Variants in TBC1D22A observed in about 807,000 individuals in gnomAD.
TBC1D22A encodes the protein putative GTPase activator.
TBC1D22A carries 38 observed loss-of-function variants against 60.2 expected under a neutral mutation model. That is an observed-to-expected ratio of 0.63 (90% CI 0.49 to 0.83). TBC1D22A has a LOEUF of 0.83. Ranked by LOEUF, TBC1D22A falls within the 40% of genes least tolerant of loss-of-function variation. The probability of loss-of-function intolerance (pLI) is 0.00; values close to 1 mark genes in which losing one functional copy is unlikely to be tolerated. For synonymous variants in TBC1D22A, 302 were observed against 281.7 expected (o/e 1.07, Z -0.72); for missense variants, 628 against 701.0 (o/e 0.90, Z 1.18).
intron 8 of TBC1D22A, among the ~76,000 whole-genome samples, chr22:46,934,516 G>C (rs2071534107): frequency 6.6e-6 from 1 of 152,228 alleles, no homozygotes; most frequent in Non-Finnish European, 1.5e-5. Context: ...GCCAGAGAGA[G>C]CAGGAGTCTC....
chr22:46,991,340 G>A (rs140588015), intron 9 of TBC1D22A, among the ~76,000 whole-genome samples: 12 of 152,304 alleles, frequency 7.9e-5, no homozygotes, highest in Non-Finnish European at 1.3e-4. Flanking sequence ...TAGTGAAGAC[G>A]TCAAGGGGAT....
intron 1 of TBC1D22A, among the ~76,000 whole-genome samples, chr22:46,769,317 C>G (rs1289267147): frequency 6.6e-6 from 1 of 152,186 alleles, no homozygotes; most frequent in Non-Finnish European, 1.5e-5. Context: ...GAAGGAGAGG[C>G]ACTGTTGGGG....
At chr22:47,152,469 C>A (rs738667) in intron 12 of TBC1D22A, among the ~76,000 whole-genome samples, 81,062 of 151,962 alleles carry the variant, frequency 0.53, 22,869 homozygotes, top group East Asian at 0.76. Context: ...CAGCTGCTCC[C>A]CGCTTCCATG....
At position 46,772,076 on chromosome 22, in the gene TBC1D22A, T is replaced by C. The variant is rs144284672; in HGVS notation, c.62+9228T>C. Among the ~76,000 whole-genome samples, 918 of 142,642 alleles carry C rather than the reference T, an allele frequency of 6.4e-3. 12 individuals are homozygous for C. Among genetic ancestry groups the C allele is most frequent in the African/African-American group, 0.024 (866 of 35,592 alleles). 93.6% of individuals were successfully genotyped at this position (142,642 alleles called of 152,430 possible). On this transcript the variant is annotated intron_variant, in intron 1 of 12. Transcript: ENST00000337137. ...ATATACATATATATGTATACACACA[T>C]ATACATATATATGTATACACACATA... is the stretch of plus-strand genomic sequence containing the variant.
At chr22:46,806,513 A>AT (rs1432758981) in intron 4 of TBC1D22A, among the ~76,000 whole-genome samples, 3 of 149,872 alleles carry the variant, frequency 2.0e-5, no homozygotes, top group African/African-American at 4.8e-5. Context: ...ATTATTAAAA[A>AT]TTTTTAAATT....
At chr22:47,111,008 G>A (rs1201945020) in intron 11 of TBC1D22A, among the ~76,000 whole-genome samples, 2 of 152,346 alleles carry the variant, frequency 1.3e-5, no homozygotes, top group East Asian at 3.9e-4. Flanking sequence ...TGGCTTCCGA[G>A]TAGCATCATT....
chr22:46,901,538 A>G (rs950319306), intron 7 of TBC1D22A, among the ~76,000 whole-genome samples: 1 of 152,228 alleles, frequency 6.6e-6, no homozygotes, highest in Admixed American at 6.5e-5. Context: ...CAAATGTGGC[A>G]TTTCTGCTCA....
At chr22:46,911,647 G>T (rs1648975118) in intron 7 of TBC1D22A, among the ~76,000 whole-genome samples, 1 of 152,168 alleles carries the variant, frequency 6.6e-6, no homozygotes, top group Admixed American at 6.5e-5. Context: ...GCCGTGCGTG[G>T]TGGCTCATTC....
chr22:47,169,953 G>A (rs1482414703), intron 12 of TBC1D22A, among the ~76,000 whole-genome samples: 1 of 152,262 alleles, frequency 6.6e-6, no homozygotes, highest in Non-Finnish European at 1.5e-5. Context: ...GTCCCTGAAT[G>A]TGACCGAGGG....
intron 8 of TBC1D22A, among the ~76,000 whole-genome samples, chr22:46,970,415 G>A (rs1383525325): frequency 1.3e-5 from 2 of 152,136 alleles, no homozygotes; most frequent in African/African-American, 2.4e-5. Context: ...TTTCTCATTT[G>A]TGATCTTACC....
At chr22:46,796,805 G>C (rs2084673716) in intron 3 of TBC1D22A, among the ~76,000 whole-genome samples, 1 of 152,212 alleles carries the variant, frequency 6.6e-6, no homozygotes, top group African/African-American at 2.4e-5. Context: ...TGGGGTCTGG[G>C]AAGGTGCCAT....
At chr22:46,905,583 C>T (rs931255075) in intron 7 of TBC1D22A, among the ~76,000 whole-genome samples, 3 of 152,188 alleles carry the variant, frequency 2.0e-5, no homozygotes, top group African/African-American at 4.8e-5. Context: ...GAGAAGCCTG[C>T]GGTCGGTTGG....
chr22:47,057,002 G>T (rs947936813), intron 11 of TBC1D22A, among the ~76,000 whole-genome samples: 1 of 152,204 alleles, frequency 6.6e-6, no homozygotes, highest in African/African-American at 2.4e-5. Context: ...TGCTGCCTAG[G>T]CCCAGCCACT....
intron 4 of TBC1D22A, among the ~76,000 whole-genome samples, chr22:46,815,967 T>G (rs1191191628): frequency 6.6e-6 from 1 of 152,202 alleles, no homozygotes; most frequent in Admixed American, 6.5e-5. Context: ...TAGGTCCCAC[T>G]GCAGCCTTGG....
At chr22:46,790,191 G>T (rs754883265) in intron 1 of TBC1D22A, among the ~76,000 whole-genome samples, 1 of 152,234 alleles carries the variant, frequency 6.6e-6, no homozygotes, top group African/African-American at 2.4e-5. Context: ...CGTTTTCCCT[G>T]CTCTCTCCAG....
At chr22:47,072,683 G>C (rs1264066546) in intron 11 of TBC1D22A, among the ~76,000 whole-genome samples, 2 of 152,262 alleles carry the variant, frequency 1.3e-5, no homozygotes, top group African/African-American at 4.8e-5. Context: ...CTAAGAGCTG[G>C]ATAGGTATGT....
At chr22:46,877,000 C>G (rs946111152) in intron 4 of TBC1D22A, among the ~76,000 whole-genome samples, 2 of 152,240 alleles carry the variant, frequency 1.3e-5, no homozygotes, top group African/African-American at 4.8e-5. Context: ...GAATATCCTG[C>G]TGCTGTGCTT....
chr22:46,976,867 C>T (rs931590683), intron 9 of TBC1D22A, among the ~76,000 whole-genome samples: 6 of 152,164 alleles, frequency 3.9e-5, no homozygotes, highest in South Asian at 2.1e-4. Context: ...TTATTGGAGC[C>T]GCTGAGCCAG....
intron 10 of TBC1D22A, among the ~76,000 whole-genome samples, chr22:46,999,246 C>T (rs774742339): frequency 6.6e-6 from 1 of 152,188 alleles, no homozygotes. Context: ...TTTAAGAGAG[C>T]AGCAGCGATA....
Sources: gnomAD v4.1 joint callset for allele counts (sites outside exome capture counted in the v4.1 genomes callset) on GRCh38, gnomAD v4.1.1 for gene constraint, MANE v1.5 for transcripts, NCBI Gene and HGNC (gene_info 2026-07-23, HGNC 2026-07-21) for gene names.